PRDM5: variants seen among roughly 807,000 people sequenced by gnomAD.
The protein encoded by PRDM5 is PR domain zinc finger protein 5.
A neutral mutation model predicts 81.2 loss-of-function variants in PRDM5; 56 were observed. The observed-to-expected ratio is 0.69, with a 90% CI of 0.56 to 0.86. The LOEUF is 0.86. Ranked by LOEUF, PRDM5 falls within the 40% of genes least tolerant of loss-of-function variation. PRDM5 has a pLI of 0.00. For missense variants in PRDM5, 697 were observed against 770.1 expected (o/e 0.91, Z 1.12); for synonymous variants, 267 against 256.4 (o/e 1.04, Z -0.39).
chr4:120,805,384 C>A (rs1045512816), intron 8 of PRDM5, among the ~76,000 whole-genome samples: 2 of 152,114 alleles, frequency 1.3e-5, no homozygotes, highest in Non-Finnish European at 2.9e-5. Flanking sequence ...GAAAGCCTGG[C>A]AGAGACAGAA....
chr4:120,897,511 T>C (rs918281409), intron 2 of PRDM5, among the ~76,000 whole-genome samples: 2 of 152,182 alleles, frequency 1.3e-5, no homozygotes, highest in African/African-American at 4.8e-5. Flanking sequence ...TTTTAAAAAG[T>C]CCTGGAAAAT....
chr4:120,863,156 TAAAAAA>T (rs66499146), intron 2 of PRDM5, among the ~76,000 whole-genome samples: 2 of 40,132 alleles, frequency 5.0e-5, no homozygotes, highest in Non-Finnish European at 8.1e-5. Context: ...AGACTCTGTC[TAAAAAA>T]AAAAAAAAAA....
chr4:120,729,740 G>A (rs1489628556), intron 14 of PRDM5, among the ~76,000 whole-genome samples: 1 of 152,146 alleles, frequency 6.6e-6, no homozygotes, highest in Non-Finnish European at 1.5e-5. Context: ...TCTCTTCCTG[G>A]TGGCTTTCAA....
intron 2 of PRDM5, among the ~76,000 whole-genome samples, chr4:120,897,442 C>G (rs545771036): frequency 1.3e-5 from 2 of 151,862 alleles, no homozygotes; most frequent in Non-Finnish European, 2.9e-5. Context: ...TAGGTGTAAC[C>G]GTCTTTCTAC....
Position 120,922,701 on chromosome 4 carries a change from G to A in PRDM5, c.-93C>T, listed in dbSNP as rs933349603. ...AAATTTGGGGTGCCAGGGTAGAGGG[G>A]AGAAACCGGCAGGGAAGGAGGAAAT... On this transcript the variant is annotated 5_prime_UTR_variant, in exon 1 of 16. Coordinates refer to ENST00000264808, the MANE Select transcript of PRDM5 (RefSeq NM_018699.4). 8.0e-6 allele frequency: 12 copies of A among 1,493,886 alleles called. No homozygotes were observed. The highest frequency in any genetic ancestry group is 2.0e-5 in the Admixed American group (1 of 50,270). The allele number at this position is 1,493,886 out of a possible 1,614,324, so 92.5% of individuals were successfully genotyped here.
intron 10 of PRDM5, among the ~76,000 whole-genome samples, chr4:120,791,291 G>C (rs372543997): frequency 1.2e-4 from 18 of 152,242 alleles, no homozygotes; most frequent in African/African-American, 3.8e-4. Context: ...AAAATGAGTA[G>C]ATTTATATGA....
chr4:120,910,100 A>T (rs1264041327), intron 1 of PRDM5, among the ~76,000 whole-genome samples: 1 of 151,976 alleles, frequency 6.6e-6, no homozygotes, highest in East Asian at 1.9e-4. Context: ...GACCCACTAA[A>T]TTAATTACAG....
chr4:120,742,652 A>T (rs546072908), intron 14 of PRDM5, among the ~76,000 whole-genome samples: 2,135 of 152,348 alleles, frequency 0.014, 23 homozygotes, highest in Middle Eastern at 0.034. Context: ...CAGGAGCCGA[A>T]GCGATCAACT....
At chr4:120,885,252 T>C (rs1041330390) in intron 2 of PRDM5, among the ~76,000 whole-genome samples, 11 of 151,334 alleles carry the variant, frequency 7.3e-5, no homozygotes, top group African/African-American at 2.7e-4. Flanking sequence ...AAGGTACCCC[T>C]ATTCCTTACA....
rs70948365 is a variant in PRDM5 at position 120,872,150 on chromosome 4, C to CAAAAAAAAAAAAAAAAAAAAAAA, written c.178-18633_178-18611dup. Among the ~76,000 whole-genome samples, 68 of 41,832 alleles carry CAAAAAAAAAAAAAAAAAAAAAAA rather than the reference C, an allele frequency of 1.6e-3. 3 individuals are homozygous for CAAAAAAAAAAAAAAAAAAAAAAA. The highest frequency in any genetic ancestry group is 2.0e-3 in the Non-Finnish European group (49 of 25,052). 27.4% of individuals were successfully genotyped at this position (41,832 alleles called of 152,430 possible). A position where few individuals can be genotyped will look rare whatever the true frequency, so the allele number is the denominator to read the frequency against. Reference sequence around the variant, plus strand: ...TGGGCGACAGAGCAAGACTCCATCTCAAAAAAAAAAAAAAAAAAAAAAAAC... The same window carrying CAAAAAAAAAAAAAAAAAAAAAAA: ...TGGGCGACAGAGCAAGACTCCATCTCAAAAAAAAAAAAAAAAAAAAAAAAAAAAAAAAAAAAAAAAAAAAAAAC... On this transcript the variant is annotated intron_variant, in intron 2 of 15. Transcript: ENST00000264808.
At chr4:120,791,161 A>G (rs1388666735) in intron 10 of PRDM5, among the ~76,000 whole-genome samples, 2 of 152,198 alleles carry the variant, frequency 1.3e-5, no homozygotes, top group Non-Finnish European at 2.9e-5. Flanking sequence ...TAGACTTCCT[A>G]TTTGACCCAG....
At chr4:120,736,728 C>T (rs1741183651) in intron 14 of PRDM5, among the ~76,000 whole-genome samples, 2 of 152,124 alleles carry the variant, frequency 1.3e-5, no homozygotes, top group South Asian at 4.1e-4. Context: ...AGAGTGCTGG[C>T]ATATAGTTGG....
intron 8 of PRDM5, among the ~76,000 whole-genome samples, chr4:120,809,122 T>C (rs900786785): frequency 1.3e-5 from 2 of 152,162 alleles, no homozygotes; most frequent in Non-Finnish European, 2.9e-5. Context: ...CAGCACACTG[T>C]CACCTCTCAT....
chr4:120,806,707 A>T (rs1469133100), intron 8 of PRDM5, among the ~76,000 whole-genome samples: 1 of 152,212 alleles, frequency 6.6e-6, no homozygotes, highest in Non-Finnish European at 1.5e-5. Context: ...TTCAAGATGG[A>T]TTAAAGACTT....
intron 2 of PRDM5, among the ~76,000 whole-genome samples, chr4:120,863,755 T>G (rs1297568928): frequency 1.4e-4 from 21 of 152,228 alleles, no homozygotes; most frequent in Admixed American, 1.3e-3. Context: ...CCTTATAAAT[T>G]GGCTTCAGAA....
chr4:120,817,532 G>T (rs1437551611), intron 5 of PRDM5, among the ~76,000 whole-genome samples: 1 of 131,006 alleles, frequency 7.6e-6, no homozygotes, highest in Admixed American at 7.9e-5. Flanking sequence ...GAGATATGTT[G>T]ATGAGATGGG....
At chr4:120,833,159 G>C (rs2149374265) in intron 3 of PRDM5, among the ~76,000 whole-genome samples, 1 of 152,216 alleles carries the variant, frequency 6.6e-6, no homozygotes, top group African/African-American at 2.4e-5. Flanking sequence ...GGTCAACCCT[G>C]ATCCAAAAAT....
At chr4:120,709,690 G>T (rs535177127) in intron 15 of PRDM5, among the ~76,000 whole-genome samples, 1 of 136,260 alleles carries the variant, frequency 7.3e-6, no homozygotes, top group Non-Finnish European at 1.6e-5. Flanking sequence ...TGCCAATCCC[G>T]CACAAAAGAA....
chr4:120,788,126 C>T (rs1750032294), intron 10 of PRDM5, among the ~76,000 whole-genome samples: 1 of 152,054 alleles, frequency 6.6e-6, no homozygotes, highest in South Asian at 2.1e-4. Flanking sequence ...AACCAATTCC[C>T]TTTACAGAAA....
Sources: allele counts gnomAD v4.1 joint callset (sites outside exome capture counted in the v4.1 genomes callset), GRCh38; gene constraint gnomAD v4.1.1; transcripts MANE v1.5; gene names NCBI Gene and HGNC (gene_info 2026-07-23, HGNC 2026-07-21).